CTSB: variants seen among roughly 807,000 people sequenced by gnomAD.
CTSB encodes the protein APP secretase.
In CTSB, 57 loss-of-function variants were observed where a neutral mutation model predicts 44.3. That is an observed-to-expected ratio of 1.29 (90% CI 1.04 to 1.60). CTSB has a LOEUF of 1.60. Ranked by LOEUF, CTSB falls within the 40% of genes most tolerant of loss-of-function variation. The pLI is 0.00. For synonymous variants in CTSB, 320 were observed against 168.0 expected, an observed-to-expected ratio of 1.91 and a Z score of -7.00; for missense variants, 768 against 443.0, an observed-to-expected ratio of 1.73 and a Z score of -6.59.
Position 11,866,029 on chromosome 8 carries a change from AAAAG to A in CTSB, c.-26+1968_-26+1971del, listed in dbSNP as rs1165739877. 4.6e-3 allele frequency among the ~76,000 whole-genome samples: 704 copies of A among 151,436 alleles called. 5 individuals are homozygous for A. The highest frequency in any genetic ancestry group is 0.016 in the African/African-American group (674 of 41,258). On this transcript the variant is annotated intron_variant, in intron 1 of 9. Coordinates refer to ENST00000353047, the MANE Select transcript of CTSB (RefSeq NM_001908.5). ...GGGAGTGTGTCTCAAAAAAAAAAAA[AAAAG>A]AAAGAAAAAGAAATTAAGAAAGAAA...
intron 4 of CTSB, chr8:11,850,631 G>C (rs1425191226): frequency 2.8e-6 from 1 of 361,326 alleles, no homozygotes; most frequent in Non-Finnish European, 5.1e-6. Flanking sequence ...GAGCTGCTTC[G>C]CCACCTGTAC....
intron 6 of CTSB, 81 bp downstream of exon 6, chr8:11,847,986 T>G (rs999146086): frequency 2.9e-6 from 4 of 1,394,434 alleles, no homozygotes; most frequent in Non-Finnish European, 4.0e-6. Flanking sequence ...AACCCCCAGT[T>G]TATAAAGGCA....
At chr8:11,855,177 A>C (rs1815306530) in intron 1 of CTSB, among the ~76,000 whole-genome samples, 1 of 152,096 alleles carries the variant, frequency 6.6e-6, no homozygotes. Context: ...ATGTGCCATC[A>C]TGCCCAGCTA....
At chr8:11,848,022 C>G (rs2131009815) in intron 6 of CTSB, 45 bp downstream of exon 6, 2 of 1,500,946 alleles carry the variant, frequency 1.3e-6, no homozygotes, top group Non-Finnish European at 1.8e-6. Flanking sequence ...GTTAATTGCT[C>G]AAACAATCCA....
At chr8:11,850,666 G>A (rs1447431836) in intron 4 of CTSB, 200 bp downstream of exon 4, 2 of 464,466 alleles carry the variant, frequency 4.3e-6, no homozygotes, top group Non-Finnish European at 7.9e-6. Flanking sequence ...TCTGCTGGAT[G>A]CTCTGCCCGC....
intron 1 of CTSB, chr8:11,862,394 C>T (rs559541068): frequency 1.3e-5 from 2 of 152,334 alleles, no homozygotes; most frequent in African/African-American, 2.4e-5. Context: ...TCCTCAGTCA[C>T]TGGGAGCGTG....
rs777842205 is a variant in CTSB at position 11,852,635 on chromosome 8, G to C, written c.187C>G (p.Leu63Val). ...CTCTGGGGTGGCTTGGGCCCACCCAGGAAGGTACCACATAGCCTCTTCAAG... is the reference window on the plus strand; with the variant it reads ...CTCTGGGGTGGCTTGGGCCCACCCACGAAGGTACCACATAGCCTCTTCAAG... Reference protein sequence around the residue: ...SYLKRLCGTFLGGPKPPQRVM... With the variant: ...SYLKRLCGTFVGGPKPPQRVM... The change falls in exon 3 of 10, where the codon CTG becomes GTG. Residue 63 changes from leucine (L) to valine (V), a missense_variant. Leu to Val is a conservative substitution (Grantham distance 32). Coordinates refer to ENST00000353047, the MANE Select transcript of CTSB (RefSeq NM_001908.5). 3 of 1,613,808 alleles carry C rather than the reference G, an allele frequency of 1.9e-6. No homozygotes were observed. Among genetic ancestry groups the C allele is most frequent in the African/African-American group, 2.7e-5 (2 of 74,934 alleles).
Position 11,848,614 on chromosome 8 carries a change from G to A in CTSB, c.446+432C>T, listed in dbSNP as rs76323512. The A allele has an allele frequency of 3.1e-3, 999 of 319,822 alleles. 13 individuals are homozygous for A. The highest frequency in any genetic ancestry group is 0.019 in the African/African-American group (897 of 46,796). 19.8% of individuals were successfully genotyped at this position (319,822 alleles called of 1,614,324 possible). The stretch of plus-strand genomic sequence containing the variant: ...GGATCTGCAGCCGCCAGTGAACACC[G>A]CTACTGCGGAACCAAGGCGAGGCTG... On this transcript the variant is annotated intron_variant, in intron 5 of 9. Coordinates refer to ENST00000353047, the MANE Select transcript of CTSB (RefSeq NM_001908.5).
In CTSB at chr8:11,844,549, C is replaced by G. The variant is rs956975161; in HGVS notation, c.*576G>C. 6.6e-6 allele frequency: 1 copy of G among 152,480 alleles called. No individual in the cohort carries two copies. Among genetic ancestry groups the G allele is most frequent in the African/African-American group, 2.4e-5 (1 of 41,414 alleles). 9.4% of individuals were successfully genotyped at this position (152,480 alleles called of 1,614,324 possible). A position where few individuals can be genotyped will look rare whatever the true frequency, so the allele number is the denominator to read the frequency against. ...GGTCTCCCGCTGTTCCACTGGCTCACCCACATGATTAGCAGAGTGCACGAA... is the reference window on the plus strand; with the variant it reads ...GGTCTCCCGCTGTTCCACTGGCTCAGCCACATGATTAGCAGAGTGCACGAA... On this transcript the variant is annotated 3_prime_UTR_variant, in exon 10 of 10. Transcript: ENST00000353047.
rs185877525 is a variant in CTSB, at chr8:11,854,770, C to T, written c.-25-1291G>A. 841 of 152,480 alleles carry T rather than the reference C, an allele frequency of 5.5e-3. 4 individuals are homozygous for T. The highest frequency in any genetic ancestry group is 0.019 in the African/African-American group (797 of 41,570). The allele number at this position is 152,480 out of a possible 1,614,324, so 9.4% of individuals were successfully genotyped here. A position where few individuals can be genotyped will look rare whatever the true frequency, so the allele number is the denominator to read the frequency against. ...TGCTGGGATTACAGGTGTGAGCCACCGCACCCAGCCAGTGGAAAAGAGCTC... is the reference window on the plus strand; with the variant it reads ...TGCTGGGATTACAGGTGTGAGCCACTGCACCCAGCCAGTGGAAAAGAGCTC... On this transcript the variant is annotated intron_variant, in intron 1 of 9. Coordinates refer to ENST00000353047, the MANE Select transcript of CTSB (RefSeq NM_001908.5).
At chr8:11,846,441 A>C (rs963438236) in intron 8 of CTSB, 2 of 152,390 alleles carry the variant, frequency 1.3e-5, no homozygotes, top group Non-Finnish European at 2.9e-5. Flanking sequence ...CCAATCTAGC[A>C]AAATATTAAT....
chr8:11,845,668 A>ACCC lies in CTSB; in HGVS notation c.912_914dup (p.Gly305dup). The ACCC allele has an allele frequency of 2.5e-6, 4 of 1,612,462 alleles. No homozygotes were observed. The highest frequency in any genetic ancestry group is 3.4e-6 in the Non-Finnish European group (4 of 1,178,872). ...AAGGGGGCAGCCACTCACCATTGTC[A>ACCC]CCCCAGTCAGTGTTCCAGGAGTTGG... On this transcript the variant is annotated inframe_insertion, in exon 9 of 10. Coordinates refer to ENST00000353047, the MANE Select transcript of CTSB (RefSeq NM_001908.5).
intron 9 of CTSB, 75 bp from the exon 10 acceptor site, chr8:11,845,297 C>G: frequency 8.8e-7 from 1 of 1,132,892 alleles, no homozygotes; most frequent in South Asian, 1.3e-5. Flanking sequence ...CCTTAAAAGA[C>G]CTTAAGTCAC....
rs761708725 is a variant in CTSB, at chr8:11,847,091, C to T, written c.754G>A (p.Ala252Thr). ...EIYKNGPVEG[A>T]FSVYSDFLLY... ...AGGAAGTCCGAATACACAGAGAAAGCTCCCTCCACGGGGCCGTTTTTGTAG... is the reference window on the plus strand; with the variant it reads ...AGGAAGTCCGAATACACAGAGAAAGTTCCCTCCACGGGGCCGTTTTTGTAG... Residue 252 changes from alanine (A) to threonine (T), a missense_variant, in exon 8 of 10, where the codon GCT becomes ACT. Physicochemically the swap from Ala to Thr is moderately conservative, Grantham distance 58. Coordinates refer to ENST00000353047, the MANE Select transcript of CTSB (RefSeq NM_001908.5). 1 of 1,613,400 alleles carries T rather than the reference C, an allele frequency of 6.2e-7. No individual in the cohort carries two copies. The highest frequency in any genetic ancestry group is 2.2e-5 in the East Asian group (1 of 44,880).
intron 8 of CTSB, 118 bp downstream of exon 8, chr8:11,846,934 T>C: frequency 1.4e-6 from 1 of 709,870 alleles, no homozygotes; most frequent in Non-Finnish European, 2.6e-6. Context: ...CACAGCCCTC[T>C]TCCCCAGCCC....
In CTSB at chr8:11,845,648, G is replaced by A. The variant is rs201786259; in HGVS notation, c.922+13C>T. On this transcript the variant is annotated intron_variant, in intron 9 of 9. Coordinates refer to ENST00000353047, the MANE Select transcript of CTSB (RefSeq NM_001908.5). ...AATTCACTGTTCTTGGCAGGAAGGG[G>A]GCAGCCACTCACCATTGTCACCCCA... 177 of 1,611,230 alleles carry A rather than the reference G, an allele frequency of 1.1e-4. No homozygotes were observed. In the African/African-American group the frequency reaches 1.3e-3, roughly 12 times the overall value.
In CTSB at chr8:11,850,694, G is replaced by A. The variant is rs372458726; in HGVS notation, c.327+172C>T. The A allele has an allele frequency of 2.7e-4, 136 of 504,826 alleles. 3 individuals are homozygous for A. In the South Asian group the frequency reaches 3.4e-3, roughly 13 times the overall value. 31.3% of individuals were successfully genotyped at this position (504,826 alleles called of 1,614,324 possible). On this transcript the variant is annotated intron_variant, in intron 4 of 9. Coordinates refer to ENST00000353047, the MANE Select transcript of CTSB (RefSeq NM_001908.5). Reference sequence around the variant, plus strand: ...CTGCCCGCCACTCCACCTAATCCTCGCCATCATTCATGGCCAGAGGGATTG... The same window carrying A: ...CTGCCCGCCACTCCACCTAATCCTCACCATCATTCATGGCCAGAGGGATTG...
intron 1 of CTSB, among the ~76,000 whole-genome samples, chr8:11,855,621 A>T (rs757648948): frequency 2.0e-5 from 3 of 152,246 alleles, no homozygotes; most frequent in Non-Finnish European, 4.4e-5. Context: ...GACGAAACAA[A>T]GCAGTACTCA....
chr8:11,846,843 G>A (rs1200438709), intron 8 of CTSB, among the ~76,000 whole-genome samples: 1 of 152,100 alleles, frequency 6.6e-6, no homozygotes, highest in South Asian at 2.1e-4. Context: ...CTGGAATTGT[G>A]TGTGTTGGCA....
Sources: gnomAD v4.1 joint callset for allele counts (sites outside exome capture counted in the v4.1 genomes callset) on GRCh38, gnomAD v4.1.1 for gene constraint, MANE v1.5 for transcripts, NCBI Gene and HGNC (gene_info 2026-07-23, HGNC 2026-07-21) for gene names.